Variants in TNRC6A observed in about 807,000 individuals in gnomAD.
TNRC6A encodes trinucleotide repeat containing adaptor 6A, also known as trinucleotide repeat-containing gene 6A protein.
TNRC6A carries 44 observed loss-of-function variants against 221.2 expected under a neutral mutation model. The ratio of observed to expected loss-of-function variants is 0.20; its 90% CI spans 0.16 to 0.26. The LOEUF (loss-of-function observed/expected upper bound fraction) is 0.26. Among genes scored for constraint, TNRC6A ranks in the 10% least tolerant of loss-of-function variants. The pLI, the probability that TNRC6A is intolerant of heterozygous loss-of-function variation, is 1.00. For missense variants in TNRC6A, 2,199 were observed against 2,404.4 expected (o/e 0.91, Z 1.79); for synonymous variants, 847 against 838.5 (o/e 1.01, Z -0.18).
rs184912506 is a variant in TNRC6A at position 24,693,262 on chromosome 16, G to A, written n.402+52253G>A. On this transcript the variant is annotated intron_variant and non_coding_transcript_variant, in intron 2 of 2. Transcript: ENST00000566108. The stretch of plus-strand genomic sequence containing the variant: ...TTGAGTCCAGGAGTTCAAGACCAGC[G>A]TAAGCAAAGTGAGATCCAGTCTCTA... Among the ~76,000 whole-genome samples the A allele has an allele frequency of 2.8e-3, 423 of 151,304 alleles. 2 individuals carry two copies. The highest frequency in any genetic ancestry group is 9.8e-3 in the African/African-American group (403 of 41,198).
intron 2 of TNRC6A, among the ~76,000 whole-genome samples, chr16:24,748,897 CAG>C (rs901372003): frequency 2.6e-5 from 4 of 151,848 alleles, no homozygotes; most frequent in East Asian, 1.9e-4. Flanking sequence ...TTTTTTGAAA[CAG>C]AGTCTTGCTC....
intron 2 of TNRC6A, among the ~76,000 whole-genome samples, chr16:24,704,082 C>CAA (rs34569194): frequency 5.0e-4 from 67 of 132,978 alleles, no homozygotes; most frequent in African/African-American, 1.3e-3. Context: ...GACCTTGTAT[C>CAA]AAAAAAAAAA....
At chr16:24,668,336 C>G (rs750040998) in intron 2 of TNRC6A, among the ~76,000 whole-genome samples, 1 of 149,418 alleles carries the variant, frequency 6.7e-6, no homozygotes, top group Non-Finnish European at 1.5e-5. Context: ...AAAAGCAAAA[C>G]TCCATCTCAA....
chr16:24,805,198 C>G (rs1443927356), intron 14 of TNRC6A, 47 bp downstream of exon 14: 1 of 1,601,738 alleles, frequency 6.2e-7, no homozygotes, highest in Non-Finnish European at 8.5e-7. Context: ...CAAAAAGGAT[C>G]TTGCATGATT....
intron 4 of TNRC6A, among the ~76,000 whole-genome samples, chr16:24,775,616 G>T (rs1321977310): frequency 2.0e-5 from 3 of 152,186 alleles, no homozygotes; most frequent in African/African-American, 7.2e-5. Flanking sequence ...ATTTGATAAA[G>T]ATTTCTTTTG....
At chr16:24,641,842 G>A (rs1901967590) in intron 2 of TNRC6A, among the ~76,000 whole-genome samples, 1 of 152,174 alleles carries the variant, frequency 6.6e-6, no homozygotes, top group African/African-American at 2.4e-5. Context: ...AATACATCAA[G>A]TGAATTAAAC....
At chr16:24,788,612 C>T (rs1187176189) in intron 5 of TNRC6A, among the ~76,000 whole-genome samples, 2 of 151,466 alleles carry the variant, frequency 1.3e-5, no homozygotes, top group African/African-American at 2.4e-5. Flanking sequence ...TATCCTAATG[C>T]GTAGCTGCCT....
chr16:24,809,502 C>CA (rs56154395), intron 18 of TNRC6A, 21 bp downstream of exon 18: 19,880 of 1,154,592 alleles, frequency 0.017, 2 homozygotes, highest in South Asian at 0.024. Flanking sequence ...TACATCTTAC[C>CA]AAAAAAAAAA....
intron 1 of TNRC6A, among the ~76,000 whole-genome samples, chr16:24,634,228 G>A (rs938837521): frequency 2.6e-5 from 4 of 151,932 alleles, no homozygotes; most frequent in African/African-American, 9.7e-5. Flanking sequence ...GGAGTTGAAG[G>A]CCAGCCTAAA....
At chr16:24,691,349 C>A (rs141682482) in intron 2 of TNRC6A, among the ~76,000 whole-genome samples, 93 of 152,204 alleles carry the variant, frequency 6.1e-4, no homozygotes, top group Non-Finnish European at 1.1e-3. Flanking sequence ...TTTCAGAGTG[C>A]TGGGATAACA....
intron 5 of TNRC6A, among the ~76,000 whole-genome samples, chr16:24,784,522 C>G (rs1178593967): frequency 6.6e-6 from 1 of 152,096 alleles, no homozygotes; most frequent in Non-Finnish European, 1.5e-5. Flanking sequence ...TGGGGTGTTG[C>G]AGGGTTGCCC....
chr16:24,818,359 C>CA (rs1229251189), intron 20 of TNRC6A, among the ~76,000 whole-genome samples: 1 of 152,094 alleles, frequency 6.6e-6, no homozygotes, highest in Non-Finnish European at 1.5e-5. Flanking sequence ...CCAGTGAGGA[C>CA]AAAATCAGAG....
chr16:24,655,643 C>A (rs1250277244), intron 2 of TNRC6A, among the ~76,000 whole-genome samples: 5 of 151,916 alleles, frequency 3.3e-5, no homozygotes, highest in Non-Finnish European at 7.4e-5. Context: ...GAGCCAAGAT[C>A]GTGCCACTGC....
At position 24,793,970 on chromosome 16, in the gene TNRC6A, A is replaced by G. The variant is rs113130976; in HGVS notation, c.3352+321A>G. Among the ~76,000 whole-genome samples the G allele has an allele frequency of 7.9e-5, 12 of 152,306 alleles. 1 individual carries two copies. Among genetic ancestry groups the G allele is most frequent in the African/African-American group, 2.6e-4 (11 of 41,572 alleles). ...TCATGCCATCCAGCCTGAGAGGCCA[A>G]CTAGTGTAGCCATGAGGACACATAT... On this transcript the variant is annotated intron_variant, in intron 7 of 24. Coordinates refer to ENST00000395799, the MANE Select transcript of TNRC6A (RefSeq NM_014494.4).
intron 2 of TNRC6A, among the ~76,000 whole-genome samples, chr16:24,749,026 C>T (rs1457266122): frequency 6.6e-6 from 1 of 152,180 alleles, no homozygotes; most frequent in African/African-American, 2.4e-5. Context: ...AGGTGCCCGC[C>T]ACCACGCCCC....
At chr16:24,639,008 A>G (rs1901786271) in intron 1 of TNRC6A, among the ~76,000 whole-genome samples, 1 of 152,208 alleles carries the variant, frequency 6.6e-6, no homozygotes, top group South Asian at 2.1e-4. Context: ...GTTGGTGCAA[A>G]TACCTTCACT....
rs10556464 is a variant in TNRC6A, at chr16:24,678,994, ATTTTTTTT to A, written n.402+37998_402+38005del. ...TATGAAAAGACCTTTAAAACATTGA[ATTTTTTTT>A]TTTTTTTTTTTTGGATATAGAGTTT... On this transcript the variant is annotated intron_variant and non_coding_transcript_variant, in intron 2 of 2. Transcript: ENST00000566108. 4.7e-3 allele frequency among the ~76,000 whole-genome samples: 636 copies of A among 135,932 alleles called. 3 individuals are homozygous for A. The highest frequency in any genetic ancestry group is 0.017 in the African/African-American group (616 of 36,376). The allele number at this position is 135,932 out of a possible 152,430, so 89.2% of individuals were successfully genotyped here. A position where few individuals can be genotyped will look rare whatever the true frequency, so the allele number is the denominator to read the frequency against.
chr16:24,696,745 A>AAAAAAAAAAGAAAG (rs2055871749), intron 2 of TNRC6A, among the ~76,000 whole-genome samples: 2 of 139,044 alleles, frequency 1.4e-5, no homozygotes, highest in African/African-American at 5.2e-5. Context: ...AAAAAAAAAA[A>AAAAAAAAAAGAAAG]GAAAGGAAAG....
chr16:24,718,661 A>G (rs557841957), intron 2 of TNRC6A, among the ~76,000 whole-genome samples: 24 of 152,346 alleles, frequency 1.6e-4, no homozygotes, highest in African/African-American at 5.5e-4. Flanking sequence ...TAGCCATTCA[A>G]GAATTCATAG....
Sources: gnomAD v4.1 joint callset for allele counts (sites outside exome capture counted in the v4.1 genomes callset) on GRCh38, gnomAD v4.1.1 for gene constraint, MANE v1.5 for transcripts, NCBI Gene and HGNC (gene_info 2026-07-23, HGNC 2026-07-21) for gene names.